Variants in ITGB7 observed in about 807,000 individuals in gnomAD.
ITGB7 encodes the protein integrin subunit beta 7, also known as integrin beta-7.
ITGB7 carries 55 observed loss-of-function variants against 83.4 expected under a neutral mutation model. That is an observed-to-expected ratio of 0.66 (90% CI 0.53 to 0.83). ITGB7 has a LOEUF of 0.83. ITGB7 is among the 40% of genes least tolerant of loss of function. The pLI is 0.00. For missense variants in ITGB7, 921 were observed against 1,046.7 expected (o/e 0.88, Z 1.66); for synonymous variants, 454 against 423.6 (o/e 1.07, Z -0.88).
At chr12:53,195,894 G>A (rs1026241789) in intron 7 of ITGB7, 147 bp downstream of exon 7, 34 of 1,033,976 alleles carry the variant, frequency 3.3e-5, no homozygotes, top group Admixed American at 1.3e-4. Flanking sequence ...GTCCTGTCTC[G>A]GCAGCTGAAA....
intron 3 of ITGB7, among the ~76,000 whole-genome samples, 179 bp from the exon 4 acceptor site, chr12:53,198,130 T>A (rs901544952): frequency 1.3e-5 from 2 of 152,018 alleles, no homozygotes; most frequent in African/African-American, 4.8e-5. Flanking sequence ...GTCTTTTTTG[T>A]TGTTTTGTTT....
At chr12:53,192,987 C>G (rs376441197) in intron 12 of ITGB7, 77 bp from the exon 13 acceptor site, 3 of 1,457,322 alleles carry the variant, frequency 2.1e-6, no homozygotes, top group African/African-American at 2.8e-5. Context: ...GACAAGCCCA[C>G]GCATCCAATC....
In ITGB7 at chr12:53,192,744, ATAG is replaced by A; in HGVS notation, c.1890_1892del (p.Tyr631del). On this transcript the variant is annotated inframe_deletion, in exon 13 of 16. Coordinates refer to ENST00000267082, the MANE Select transcript of ITGB7 (RefSeq NM_000889.3). ...CTGGGCATTGGTCGCATAGAGCACC[ATAG>A]TAGCCGTCCAAGCACTGGCAGCGGT... 7 of 1,614,220 alleles carry A rather than the reference ATAG, an allele frequency of 4.3e-6. No individual in the cohort carries two copies. Among genetic ancestry groups the A allele is most frequent in the Non-Finnish European group, 5.9e-6 (7 of 1,180,046 alleles).
intron 9 of ITGB7, chr12:53,195,089 T>C (rs1031418083): frequency 1.0e-4 from 46 of 443,410 alleles, no homozygotes; most frequent in African/African-American, 8.8e-4. Flanking sequence ...GCAAACAGTA[T>C]GTACACCTAG....
chr12:53,196,938 A>AG, intron 5 of ITGB7, 118 bp from the exon 6 acceptor site: 1 of 1,197,412 alleles, frequency 8.4e-7, no homozygotes. Context: ...GGGTGCACCT[A>AG]GGGGGCAGGG....
intron 9 of ITGB7, chr12:53,194,693 A>G (rs1490164110): frequency 1.9e-5 from 4 of 211,864 alleles, no homozygotes; most frequent in Non-Finnish European, 2.9e-5. Context: ...GGGCAGATTC[A>G]TTACAGAGTT....
In ITGB7 at chr12:53,195,683, A is replaced by C. The variant is rs1468626990; in HGVS notation, c.1014T>G (p.Ser338=). ...PSVGQVAQAL[S]AANIQPIFAV... Reference sequence around the variant, plus strand: ...CAAAGATGGGCTGGATATTTGCTGCAGAGAGGGCCTGGGCTACCTGACCCA... The same window carrying C: ...CAAAGATGGGCTGGATATTTGCTGCCGAGAGGGCCTGGGCTACCTGACCCA... The change falls in exon 8 of 16, where the codon TCT becomes TCG. Residue 338 remains serine, a synonymous_variant. Transcript: ENST00000267082. 1 of 1,614,106 alleles carries C rather than the reference A, an allele frequency of 6.2e-7. No individual in the cohort carries two copies. Among genetic ancestry groups the C allele is most frequent in the Middle Eastern group, 1.7e-4 (1 of 6,060 alleles).
rs1942037783 is a variant in ITGB7, at chr12:53,193,370, G to A, written c.1503-7C>T. On this transcript the variant is annotated splice_polypyrimidine_tract_variant and splice_region_variant and intron_variant, in intron 11 of 15. Transcript: ENST00000267082. ...TAGGCGGCCAGGGGCACAGCTGGAA[G>A]GGGAAGGCAAAGGAGAGAAGTAGGT... 2 of 1,562,926 alleles carry A rather than the reference G, an allele frequency of 1.3e-6. No homozygotes were observed.
chr12:53,197,457 A>G (rs1565704584), intron 5 of ITGB7, 36 bp downstream of exon 5: 1 of 1,612,960 alleles, frequency 6.2e-7, no homozygotes, highest in Non-Finnish European at 8.5e-7. Flanking sequence ...TTGAATAGGC[A>G]AGGGCTAACA....
At chr12:53,194,454 A>AGCAC in intron 9 of ITGB7, 110 bp from the exon 10 acceptor site, 1 of 1,076,182 alleles carries the variant, frequency 9.3e-7, no homozygotes, top group Non-Finnish European at 1.4e-6. Flanking sequence ...GCCCTCTGCC[A>AGCAC]CCTGGGGCTC....
At chr12:53,193,005 A>G in intron 12 of ITGB7, 95 bp from the exon 13 acceptor site, 1 of 1,400,202 alleles carries the variant, frequency 7.1e-7, no homozygotes, top group Non-Finnish European at 9.9e-7. Flanking sequence ...ATCTTTTTGA[A>G]GTATGCCAAC....
rs553468078 is a variant in ITGB7, at chr12:53,194,530, C to A, written c.1162-186G>T. 1.2e-3 allele frequency: 681 copies of A among 581,790 alleles called. 14 individuals carry two copies. In the South Asian group the frequency reaches 0.012, roughly 10 times the overall value. The allele number at this position is 581,790 out of a possible 1,614,324, so 36.0% of individuals were successfully genotyped here. On this transcript the variant is annotated intron_variant, in intron 9 of 15. Coordinates refer to ENST00000267082, the MANE Select transcript of ITGB7 (RefSeq NM_000889.3). ...CCGTGAGAACCTTGCATAGAACATA[C>A]AGGATCCAGAGGCCTCTAATACAGC...
rs1231331960 is a variant in ITGB7, at chr12:53,193,762, G to A, written c.1448C>T (p.Pro483Leu). ...LCDCNCSDTQ[P>L]QAPHCSDGQG... Reference sequence around the variant, plus strand: ...GCCATCACTGCAGTGGGGAGCCTGGGGCTGGGTGTCACTGCAATTACAGTC... The same window carrying A: ...GCCATCACTGCAGTGGGGAGCCTGGAGCTGGGTGTCACTGCAATTACAGTC... The change falls in exon 11 of 16, where the codon CCC becomes CTC. Residue 483 changes from proline to leucine, a missense_variant. Transcript: ENST00000267082. The A allele has an allele frequency of 1.9e-6, 3 of 1,614,060 alleles. No homozygotes were observed. The highest frequency in any genetic ancestry group is 2.2e-5 in the South Asian group (2 of 91,088).
chr12:53,204,280 T>C (rs1452868049), intron 1 of ITGB7, among the ~76,000 whole-genome samples: 2 of 151,402 alleles, frequency 1.3e-5, no homozygotes, highest in Admixed American at 6.6e-5. Flanking sequence ...CTTGGGAGGC[T>C]GAGGCAGGAA....
Position 53,193,763 on chromosome 12 carries a change from G to A in ITGB7, c.1447C>T (p.Pro483Ser). The change falls in exon 11 of 16, where the codon CCC becomes TCC. Residue 483 changes from proline to serine, a missense_variant. By Grantham distance (74) the Pro-to-Ser change is moderately conservative. Coordinates refer to ENST00000267082, the MANE Select transcript of ITGB7 (RefSeq NM_000889.3). ...CCATCACTGCAGTGGGGAGCCTGGGGCTGGGTGTCACTGCAATTACAGTCA... is the reference window on the plus strand; with the variant it reads ...CCATCACTGCAGTGGGGAGCCTGGGACTGGGTGTCACTGCAATTACAGTCA... The part of the protein sequence containing the change: ...LCDCNCSDTQ[P>S]QAPHCSDGQG... 6.2e-7 allele frequency: 1 copy of A among 1,614,080 alleles called. No individual in the cohort carries two copies. Among genetic ancestry groups the A allele is most frequent in the Non-Finnish European group, 8.5e-7 (1 of 1,179,996 alleles).
chr12:53,193,799 G>A lies in ITGB7; in HGVS notation c.1411C>T (p.His471Tyr). ...CTGCAATTACAGTCACACAGCGTGT[G>A]CAACTCCACAATCAGCTCCTCTGAG... ...GFSEELIVEL[H>Y]TLCDCNCSDT... Residue 471 changes from histidine to tyrosine, a missense_variant, in exon 11 of 16, where the codon CAC becomes TAC. His to Tyr is a moderately conservative substitution (Grantham distance 83). Transcript: ENST00000267082. 5.0e-6 allele frequency: 8 copies of A among 1,614,090 alleles called. No homozygotes were observed. Among genetic ancestry groups the A allele is most frequent in the Non-Finnish European group, 5.9e-6 (7 of 1,180,002 alleles).
Position 53,196,253 on chromosome 12 carries a change from C to T in ITGB7, c.817-54G>A, listed in dbSNP as rs1463780050. On this transcript the variant is annotated intron_variant, in intron 6 of 15. Transcript: ENST00000267082. ...GCACCTGGGCATGGCCCTTGAGCCA[C>T]CCCAGCCAGCTCTGTGAGCCAAGAA... is the stretch of plus-strand genomic sequence containing the variant. 6.9e-6 allele frequency: 11 copies of T among 1,584,918 alleles called. No homozygotes were observed. In the Admixed American group the frequency reaches 1.7e-4, roughly 24 times the overall value.
At chr12:53,196,904 G>A (rs1393923455) in intron 5 of ITGB7, 84 bp from the exon 6 acceptor site, 1 of 1,496,184 alleles carries the variant, frequency 6.7e-7, no homozygotes. Flanking sequence ...TGGGAAGTGG[G>A]GTGGGGAGGA....
intron 6 of ITGB7, 53 bp from the exon 7 acceptor site, chr12:53,196,252 A>G (rs1012909203): frequency 1.0e-5 from 16 of 1,583,020 alleles, no homozygotes; most frequent in Non-Finnish European, 1.4e-5. Context: ...CCCTTGAGCC[A>G]CCCCAGCCAG....
Sources: gnomAD v4.1 joint callset for allele counts (sites outside exome capture counted in the v4.1 genomes callset) on GRCh38, gnomAD v4.1.1 for gene constraint, MANE v1.5 for transcripts, NCBI Gene and HGNC (gene_info 2026-07-23, HGNC 2026-07-21) for gene names.